The following CTRC variants were observed in gnomAD, a reference collection of about 807,000 sequenced individuals.
CTRC encodes the protein chymotrypsin C.
A neutral mutation model predicts 35.7 loss-of-function variants in CTRC; 32 were observed. That is an observed-to-expected ratio of 0.90 (90% CI 0.68 to 1.20). The LOEUF is 1.20. CTRC is among the 50% of genes most tolerant of loss of function. The pLI is 0.00. For missense variants in CTRC, 324 were observed against 361.5 expected, an observed-to-expected ratio of 0.90 and a Z score of 0.84; for synonymous variants, 119 against 149.5, an observed-to-expected ratio of 0.80 and a Z score of 1.49.
chr1:15,445,841 T>C (rs1708210584), intron 7 of CTRC, 92 bp downstream of exon 7: 3 of 1,424,394 alleles, frequency 2.1e-6, no homozygotes, highest in African/African-American at 2.8e-5. Context: ...CATGCGTTTA[T>C]TCATTCATTC....
At chr1:15,440,706 C>T (rs745519571) in intron 3 of CTRC, 116 bp downstream of exon 3, 4 of 857,608 alleles carry the variant, frequency 4.7e-6, no homozygotes, top group Admixed American at 4.0e-5. Flanking sequence ...AATCTACTCA[C>T]ACCCAGTAAC....
Position 15,446,641 on chromosome 1 carries a change from T to C in CTRC, c.*52T>C, listed in dbSNP as rs1708226385. 6.2e-7 allele frequency: 1 copy of C among 1,608,948 alleles called. No individual in the cohort carries two copies. The highest frequency in any genetic ancestry group is 2.2e-5 in the East Asian group (1 of 44,848). On this transcript the variant is annotated 3_prime_UTR_variant, in exon 8 of 8. Coordinates refer to ENST00000375949, the MANE Select transcript of CTRC (RefSeq NM_007272.3). Reference sequence around the variant, plus strand: ...GTCCCTGCAACAGCAATAAACTTCCTTCTCCTCGGGCCACCTGGATCCTTG... The same window carrying C: ...GTCCCTGCAACAGCAATAAACTTCCCTCTCCTCGGGCCACCTGGATCCTTG...
At position 15,446,991 on chromosome 1, in the gene CTRC, C is replaced by T; in HGVS notation, c.*402C>T. 2 of 341,050 alleles carry T rather than the reference C, an allele frequency of 5.9e-6. No individual in the cohort carries two copies. Among genetic ancestry groups the T allele is most frequent in the South Asian group, 4.8e-5 (2 of 41,438 alleles). The allele number at this position is 341,050 out of a possible 1,614,324, so 21.1% of individuals were successfully genotyped here. A position where few individuals can be genotyped will look rare whatever the true frequency, so the allele number is the denominator to read the frequency against. On this transcript the variant is annotated 3_prime_UTR_variant, in exon 8 of 8. Transcript: ENST00000375949. ...ACTCGCTTCTCCGATCCTACCTCCA[C>T]CGAGGGGCCTGGCAGGTCCTCACAG...
chr1:15,445,301 AG>A (rs1383926607), intron 6 of CTRC, among the ~76,000 whole-genome samples: 1 of 152,166 alleles, frequency 6.6e-6, no homozygotes, highest in African/African-American at 2.4e-5. Flanking sequence ...ACAGAGTCTT[AG>A]ATAAGGAGAC....
intron 7 of CTRC, 38 bp from the exon 8 acceptor site, chr1:15,446,537 C>G: frequency 6.2e-7 from 1 of 1,613,576 alleles, no homozygotes; most frequent in South Asian, 1.1e-5. Flanking sequence ...GAAGGTGGCA[C>G]AGCCCTGAGT....
intron 5 of CTRC, among the ~76,000 whole-genome samples, chr1:15,444,002 C>G (rs140748767): frequency 1.3e-5 from 2 of 151,914 alleles, no homozygotes; most frequent in Non-Finnish European, 2.9e-5. Context: ...CCTGTAATCC[C>G]GACATTTTAG....
At position 15,448,453 on chromosome 1, in the gene CTRC, C is replaced by T. The variant is rs1312067032; in HGVS notation, c.*1864C>T. On this transcript the variant is annotated 3_prime_UTR_variant, in exon 8 of 8. Transcript: ENST00000375949. ...TCCCAGGTTCACGCCATTCTCCTGC[C>T]TCAGCCTCCTGAGTAGCTGGGACTA... 1 of 151,880 alleles carries T rather than the reference C, an allele frequency of 6.6e-6. No homozygotes were observed. The highest frequency in any genetic ancestry group is 1.5e-5 in the Non-Finnish European group (1 of 68,000). The allele number at this position is 151,880 out of a possible 1,614,324, so 9.4% of individuals were successfully genotyped here.
At chr1:15,442,390 C>T in intron 3 of CTRC, 57 bp from the exon 4 acceptor site, 1 of 1,567,414 alleles carries the variant, frequency 6.4e-7, no homozygotes. Context: ...CCCTCTCTAT[C>T]CCACTGGCTG....
At chr1:15,443,619 T>A in intron 5 of CTRC, 64 bp downstream of exon 5, 2 of 1,607,244 alleles carry the variant, frequency 1.2e-6, no homozygotes, top group Non-Finnish European at 1.7e-6. Context: ...CACCCACATT[T>A]GTCCACCACT....
chr1:15,440,237 C>CCCTGGGCT, intron 1 of CTRC, 63 bp from the exon 2 acceptor site: 1 of 761,366 alleles, frequency 1.3e-6, no homozygotes, highest in Non-Finnish European at 2.3e-6. Context: ...CCCACCCTCC[C>CCCTGGGCT]ACCCCTTTCC....
At chr1:15,443,672 T>C in intron 5 of CTRC, 117 bp downstream of exon 5, 2 of 1,237,192 alleles carry the variant, frequency 1.6e-6, no homozygotes, top group South Asian at 2.4e-5. Flanking sequence ...GTAAACTTTG[T>C]AACAATAACA....
In CTRC at chr1:15,446,616, G is replaced by T. The variant is rs749433613; in HGVS notation, c.*27G>T. On this transcript the variant is annotated 3_prime_UTR_variant, in exon 8 of 8. Coordinates refer to ENST00000375949, the MANE Select transcript of CTRC (RefSeq NM_007272.3). ...TTGTTGCTGGGAGCGGCGGCAGCGA[G>T]TCCCTGCAACAGCAATAAACTTCCT... The T allele has an allele frequency of 7.9e-5, 128 of 1,614,016 alleles. 1 individual carries two copies. In the South Asian group the frequency reaches 8.7e-4, roughly 11 times the overall value.
At position 15,441,106 on chromosome 1, in the gene CTRC, G is replaced by A. The variant is rs751883144; in HGVS notation, c.230+516G>A. 9.2e-5 allele frequency among the ~76,000 whole-genome samples: 14 copies of A among 152,136 alleles called. 1 individual carries two copies. The highest frequency in any genetic ancestry group is 2.1e-4 in the South Asian group (1 of 4,834). On this transcript the variant is annotated intron_variant, in intron 3 of 7. Coordinates refer to ENST00000375949, the MANE Select transcript of CTRC (RefSeq NM_007272.3). The stretch of plus-strand genomic sequence containing the variant: ...GAGGTAGGAGAATCACTTGAACACG[G>A]GAGGCAGAGGTTGCAATGAGCCGAG...
chr1:15,444,779 C>T, intron 6 of CTRC, 28 bp downstream of exon 6: 6 of 1,614,050 alleles, frequency 3.7e-6, no homozygotes, highest in Non-Finnish European at 5.1e-6. Context: ...GCACCTTGTC[C>T]CTACTCCAAG....
chr1:15,440,020 G>C (rs1708101921), intron 1 of CTRC, among the ~76,000 whole-genome samples: 1 of 152,230 alleles, frequency 6.6e-6, no homozygotes, highest in East Asian at 1.9e-4. Context: ...GGGATTACAG[G>C]TGTGAGCCAC....
rs1708076633 is a variant in CTRC at position 15,438,513 on chromosome 1, T to C, written c.40+9T>C. 5 of 1,613,872 alleles carry C rather than the reference T, an allele frequency of 3.1e-6. No homozygotes were observed. Among genetic ancestry groups the C allele is most frequent in the Non-Finnish European group, 3.4e-6 (4 of 1,179,970 alleles). On this transcript the variant is annotated intron_variant, in intron 1 of 7. Coordinates refer to ENST00000375949, the MANE Select transcript of CTRC (RefSeq NM_007272.3). ...TGCGCTCTTGGCCTGTGGTAAGCGG[T>C]GGGGTGGGGCTGCAGCTAGCAGGCT...
rs569997589 is a variant in CTRC at position 15,447,932 on chromosome 1, C to T, written c.*1343C>T. On this transcript the variant is annotated 3_prime_UTR_variant, in exon 8 of 8. Coordinates refer to ENST00000375949, the MANE Select transcript of CTRC (RefSeq NM_007272.3). ...GGGGGTACCCCAGCTGTGCAGGAGA[C>T]AGACCAGTAAATAGATCATTAAATT... 6.6e-6 allele frequency: 1 copy of T among 152,174 alleles called. No individual in the cohort carries two copies. Among genetic ancestry groups the T allele is most frequent in the Non-Finnish European group, 1.5e-5 (1 of 68,058 alleles). 9.4% of individuals were successfully genotyped at this position (152,174 alleles called of 1,614,324 possible).
chr1:15,440,489 G>A lies in CTRC; in HGVS notation c.133-4G>A. The A allele has an allele frequency of 6.2e-7, 1 of 1,614,132 alleles. No homozygotes were observed. Among genetic ancestry groups the A allele is most frequent in the Non-Finnish European group, 8.5e-7 (1 of 1,179,984 alleles). Reference sequence around the variant, plus strand: ...GACACACAGCCCTCCCCACCCTCCTGCAGATCTCCCTCCAGTACCTCAAGA... The same window carrying A: ...GACACACAGCCCTCCCCACCCTCCTACAGATCTCCCTCCAGTACCTCAAGA... On this transcript the variant is annotated splice_polypyrimidine_tract_variant and splice_region_variant and intron_variant, in intron 2 of 7. Transcript: ENST00000375949.
Position 15,440,298 on chromosome 1 carries a change from A to G in CTRC, c.41-2A>G. The G allele has an allele frequency of 1.5e-6, 2 of 1,330,746 alleles. No homozygotes were observed. The highest frequency in any genetic ancestry group is 2.0e-6 in the Non-Finnish European group (2 of 1,018,554). 82.4% of individuals were successfully genotyped at this position (1,330,746 alleles called of 1,614,324 possible). The stretch of plus-strand genomic sequence containing the variant: ...GGTTCTTCTGGCCTCCTGTCTCCCC[A>G]GCCTCCAGCTGTGGGGTGCCCAGCT... On this transcript the variant is annotated splice_acceptor_variant, in intron 1 of 7. Coordinates refer to ENST00000375949, the MANE Select transcript of CTRC (RefSeq NM_007272.3). LOFTEE classifies it high-confidence loss of function.
Sources: allele counts gnomAD v4.1 joint callset (sites outside exome capture counted in the v4.1 genomes callset), GRCh38; gene constraint gnomAD v4.1.1; transcripts MANE v1.5; gene names NCBI Gene and HGNC (gene_info 2026-07-23, HGNC 2026-07-21).